ASTN2: variants seen among roughly 807,000 people sequenced by gnomAD.
ASTN2 encodes the protein astrotactin 2.
ASTN2 carries 54 observed loss-of-function variants against 139.8 expected under a neutral mutation model. The observed-to-expected ratio is 0.39, with a 90% CI of 0.31 to 0.48. The LOEUF (loss-of-function observed/expected upper bound fraction) is 0.48. ASTN2 is among the 20% of genes least tolerant of loss of function. ASTN2 has a pLI of 0.95. For synonymous variants in ASTN2, 756 were observed against 719.5 expected (o/e 1.05, Z -0.81); for missense variants, 1,565 against 1,725.1 (o/e 0.91, Z 1.64).
intron 19 of ASTN2, among the ~76,000 whole-genome samples, chr9:116,563,720 T>C (rs76882529): frequency 0.066 from 10,056 of 152,270 alleles, 473 homozygotes; most frequent in East Asian, 0.1. Context: ...TGATAAAATA[T>C]TTATTTTGTA....
intron 19 of ASTN2, among the ~76,000 whole-genome samples, chr9:116,604,971 C>A (rs929108768): frequency 6.6e-6 from 1 of 151,390 alleles, no homozygotes; most frequent in African/African-American, 2.4e-5. Context: ...CATATCAGAG[C>A]CAGCTTAGAG....
At chr9:116,687,187 T>C (rs1177018731) in intron 16 of ASTN2, 6 of 1,041,364 alleles carry the variant, frequency 5.8e-6, no homozygotes, top group African/African-American at 1.7e-5. Context: ...AGCTCACCCC[T>C]GCAGGGCCGC....
At chr9:117,323,927 T>C (rs1007070537) in intron 1 of ASTN2, among the ~76,000 whole-genome samples, 3 of 152,182 alleles carry the variant, frequency 2.0e-5, no homozygotes, top group Non-Finnish European at 2.9e-5. Flanking sequence ...AAATATTTAC[T>C]GAGTGCCCAA....
At chr9:117,174,148 T>C (rs1278246822) in intron 3 of ASTN2, among the ~76,000 whole-genome samples, 3 of 151,640 alleles carry the variant, frequency 2.0e-5, no homozygotes, top group Non-Finnish European at 2.9e-5. Flanking sequence ...GATAGATAGA[T>C]AGATAGATAG....
chr9:117,342,733 C>T (rs189746739), intron 1 of ASTN2, among the ~76,000 whole-genome samples: 58 of 152,262 alleles, frequency 3.8e-4, no homozygotes, highest in Non-Finnish European at 7.4e-4. Context: ...TCTTCCAACA[C>T]GGTTTTATAT....
intron 19 of ASTN2, among the ~76,000 whole-genome samples, chr9:116,580,450 G>A (rs1853903633): frequency 6.6e-6 from 1 of 152,088 alleles, no homozygotes; most frequent in African/African-American, 2.4e-5. Flanking sequence ...TAGAATCTGG[G>A]GTGAGAAAAG....
chr9:117,291,444 A>C lies in ASTN2; in HGVS notation c.512T>G (p.Leu171Trp). Residue 171 changes from leucine (L) to tryptophan (W), a missense_variant, in exon 2 of 23, where the codon TTG (leucine) becomes TGG (tryptophan). By Grantham distance (61) the Leu-to-Trp change is moderately conservative. Coordinates refer to ENST00000313400, the MANE Select transcript of ASTN2 (RefSeq NM_001365068.1). The stretch of plus-strand genomic sequence containing the variant: ...GCTGCTCATGGAGACGTGGAAGTAC[A>C]AGGTGCCATTCTCCAGCCACTGCTG... ...WRQQWLENGT[L>W]YFHVSMSSSG... The C allele has an allele frequency of 6.2e-7, 1 of 1,614,178 alleles. No homozygotes were observed. Among genetic ancestry groups the C allele is most frequent in the Non-Finnish European group, 8.5e-7 (1 of 1,179,998 alleles).
chr9:116,860,205 A>G (rs984256050), intron 11 of ASTN2, among the ~76,000 whole-genome samples: 3 of 152,016 alleles, frequency 2.0e-5, no homozygotes, highest in Non-Finnish European at 4.4e-5. Context: ...TGGGAGGCAG[A>G]AAAAAAACTG....
intron 1 of ASTN2, among the ~76,000 whole-genome samples, chr9:117,389,488 G>T (rs144378439): frequency 6.6e-6 from 1 of 152,276 alleles, no homozygotes; most frequent in East Asian, 1.9e-4. Context: ...ATGGATAATT[G>T]AGGAAATTAT....
rs1163705637 is a variant in ASTN2, at chr9:116,967,082, AGTT to A, written c.1889+8123_1889+8125del. Among the ~76,000 whole-genome samples the A allele has an allele frequency of 3.3e-5, 5 of 152,288 alleles. No individual in the cohort carries two copies. The South Asian group carries it at 1.0e-3, about 32-fold the overall frequency. ...GTAAATAACAATAACTACATCACTGAGTTGTTGTGAGGAGTCAAAATGAAAACA... is the reference window on the plus strand; with the variant it reads ...GTAAATAACAATAACTACATCACTGAGTTGTGAGGAGTCAAAATGAAAACA... On this transcript the variant is annotated intron_variant, in intron 10 of 22. Transcript: ENST00000313400.
At position 116,740,686 on chromosome 9, in the gene ASTN2, A is replaced by T. The variant is rs532434064; in HGVS notation, c.2397-7163T>A. On this transcript the variant is annotated intron_variant, in intron 13 of 22. Coordinates refer to ENST00000313400, the MANE Select transcript of ASTN2 (RefSeq NM_001365068.1). Reference sequence around the variant, plus strand: ...CACCACCACGCTCTGCTAATTTTTTAATTTTTTTTAGTAGAGATGGGGTTT... The same window carrying T: ...CACCACCACGCTCTGCTAATTTTTTTATTTTTTTTAGTAGAGATGGGGTTT... 3.3e-4 allele frequency among the ~76,000 whole-genome samples: 50 copies of T among 151,218 alleles called. No individual in the cohort carries two copies. The South Asian group carries it at 0.011, about 32-fold the overall frequency.
intron 10 of ASTN2, among the ~76,000 whole-genome samples, chr9:116,964,758 T>C (rs749276234): frequency 6.6e-6 from 1 of 152,194 alleles, no homozygotes; most frequent in Non-Finnish European, 1.5e-5. Context: ...AGGAAGTACC[T>C]ACATGGAGGC....
chr9:116,792,715 T>C (rs1304813564), intron 13 of ASTN2, among the ~76,000 whole-genome samples: 1 of 152,224 alleles, frequency 6.6e-6, no homozygotes, highest in Non-Finnish European at 1.5e-5. Flanking sequence ...GAGAGGATTA[T>C]ACGCAGAAGA....
At chr9:116,503,321 G>C (rs187208202) in intron 19 of ASTN2, among the ~76,000 whole-genome samples, 65 of 152,152 alleles carry the variant, frequency 4.3e-4, no homozygotes, top group African/African-American at 1.3e-3. Flanking sequence ...GAGGAGGAGG[G>C]GGGGAGAGTG....
At chr9:117,024,317 C>T (rs901151122) in intron 6 of ASTN2, among the ~76,000 whole-genome samples, 11 of 152,012 alleles carry the variant, frequency 7.2e-5, no homozygotes, top group East Asian at 1.9e-4. Flanking sequence ...AATCTTGTGA[C>T]GTAATTTTGG....
intron 1 of ASTN2, among the ~76,000 whole-genome samples, chr9:117,350,003 A>T (rs1829338858): frequency 6.6e-6 from 1 of 152,218 alleles, no homozygotes; most frequent in African/African-American, 2.4e-5. Flanking sequence ...ATCTGAATAA[A>T]GTCTATAGTA....
intron 11 of ASTN2, among the ~76,000 whole-genome samples, chr9:116,834,451 A>G (rs901603035): frequency 6.6e-6 from 1 of 152,088 alleles, no homozygotes; most frequent in African/African-American, 2.4e-5. Flanking sequence ...GTTAGATTTT[A>G]CCTCACACAT....
chr9:116,840,329 C>T (rs1588341114), intron 11 of ASTN2, among the ~76,000 whole-genome samples: 3 of 151,256 alleles, frequency 2.0e-5, no homozygotes, highest in East Asian at 2.0e-4. Context: ...CCTCACCTTT[C>T]CCCCCTTTCT....
At chr9:116,990,104 C>T (rs1836809300) in intron 7 of ASTN2, among the ~76,000 whole-genome samples, 1 of 152,284 alleles carries the variant, frequency 6.6e-6, no homozygotes, top group South Asian at 2.1e-4. Flanking sequence ...CCCAAATCCA[C>T]TTTAATTTCC....
Sources: allele counts gnomAD v4.1 joint callset (sites outside exome capture counted in the v4.1 genomes callset), GRCh38; gene constraint gnomAD v4.1.1; transcripts MANE v1.5; gene names NCBI Gene and HGNC (gene_info 2026-07-23, HGNC 2026-07-21).